Variants in FCRL3 observed in about 807,000 individuals in gnomAD.
The protein encoded by FCRL3 is Fc receptor like 3.
In FCRL3, 89 loss-of-function variants were observed where a neutral mutation model predicts 75.0. The observed-to-expected ratio is 1.19, with a 90% CI of 1.00 to 1.42. FCRL3 has a LOEUF of 1.42. Among genes scored for constraint, FCRL3 ranks in the 40% most tolerant of loss-of-function variants. FCRL3 has a pLI of 0.00. For synonymous variants in FCRL3, 376 were observed against 348.5 expected (o/e 1.08, Z -0.88); for missense variants, 946 against 880.0 (o/e 1.07, Z -0.95).
intron 8 of FCRL3, among the ~76,000 whole-genome samples, chr1:157,692,562 GT>G (rs1371022960): frequency 2.0e-5 from 3 of 152,156 alleles, no homozygotes; most frequent in Non-Finnish European, 4.4e-5. Flanking sequence ...ACAATGCTTT[GT>G]AATGAGATTG....
intron 10 of FCRL3, among the ~76,000 whole-genome samples, chr1:157,683,538 G>A (rs187156318): frequency 8.5e-4 from 130 of 152,258 alleles, no homozygotes; most frequent in Admixed American, 5.4e-3. Flanking sequence ...ACCTGGGTCA[G>A]GTGCTCCCCT....
chr1:157,691,267 G>C (rs916239943), intron 8 of FCRL3, among the ~76,000 whole-genome samples: 2 of 152,196 alleles, frequency 1.3e-5, no homozygotes, highest in Admixed American at 6.5e-5. Flanking sequence ...ATGGCATAGT[G>C]GGAAGAATAG....
intron 9 of FCRL3, 136 bp from the exon 10 acceptor site, chr1:157,690,053 A>G: frequency 1.5e-6 from 2 of 1,371,888 alleles, no homozygotes; most frequent in Non-Finnish European, 2.0e-6. Flanking sequence ...ACTATGGCAT[A>G]TGAAAGGTAT....
chr1:157,688,104 C>T (rs1655289260), intron 10 of FCRL3, among the ~76,000 whole-genome samples: 6 of 151,906 alleles, frequency 3.9e-5, no homozygotes, highest in Admixed American at 3.9e-4. Flanking sequence ...TCAATAATTA[C>T]ACTAGTGCAA....
At chr1:157,680,811 C>A in intron 12 of FCRL3, 41 bp from the exon 13 acceptor site, 2 of 1,570,280 alleles carry the variant, frequency 1.3e-6, no homozygotes, top group South Asian at 2.2e-5. Context: ...GTCAAGAGCT[C>A]ATATTCTAGA....
intron 11 of FCRL3, among the ~76,000 whole-genome samples, chr1:157,681,302 T>C (rs972585524): frequency 2.6e-5 from 4 of 151,782 alleles, no homozygotes; most frequent in Admixed American, 2.6e-4. Flanking sequence ...GCAGGTTTGT[T>C]ACATATGTAT....
intron 10 of FCRL3, among the ~76,000 whole-genome samples, chr1:157,685,679 C>T (rs1349421518): frequency 1.3e-5 from 2 of 152,072 alleles, no homozygotes; most frequent in East Asian, 1.9e-4. Context: ...GGAACATATC[C>T]TAGGATCAGC....
rs748144692 is a variant in FCRL3, at chr1:157,699,686, A to G, written c.52+6T>C. 6.2e-7 allele frequency: 1 copy of G among 1,607,296 alleles called. No homozygotes were observed. Among genetic ancestry groups the G allele is most frequent in the Admixed American group, 1.7e-5 (1 of 59,874 alleles). On this transcript the variant is annotated splice_donor_region_variant and intron_variant, in intron 3 of 14. Coordinates refer to ENST00000368184, the MANE Select transcript of FCRL3 (RefSeq NM_052939.4). ...ACCAGAGGGGCAGAGAGAAGGAGAAACTTACCTGATTGTTCTCTTCCAGGA... is the reference window on the plus strand; with the variant it reads ...ACCAGAGGGGCAGAGAGAAGGAGAAGCTTACCTGATTGTTCTCTTCCAGGA...
At position 157,698,442 on chromosome 1, in the gene FCRL3, G is replaced by A. The variant is rs202180051; in HGVS notation, c.240C>T (p.Tyr80=). ...DKIQITEPGN[Y]QCKTRGSSLS... ...GGGAGGATCCTCGGGTCTTACATTG[G>A]TAATTTCCAGGCTCTGTAATTTGGA... Residue 80 remains tyrosine, a synonymous_variant, in exon 4 of 15, where the codon TAC becomes TAT. Transcript: ENST00000368184. 104 of 1,613,942 alleles carry A rather than the reference G, an allele frequency of 6.4e-5. No homozygotes were observed. Among genetic ancestry groups the A allele is most frequent in the Non-Finnish European group, 8.6e-5 (102 of 1,179,908 alleles).
chr1:157,689,678 G>A (rs1571203456), intron 10 of FCRL3, 120 bp downstream of exon 10: 2 of 1,326,556 alleles, frequency 1.5e-6, no homozygotes, highest in East Asian at 2.5e-5. Context: ...ACAGTGAGTA[G>A]TGGAACTGAG....
At chr1:157,690,608 A>T (rs1655465171) in intron 8 of FCRL3, 75 bp from the exon 9 acceptor site, 1 of 1,536,570 alleles carries the variant, frequency 6.5e-7, no homozygotes, top group Non-Finnish European at 8.8e-7. Flanking sequence ...AGGAATATGC[A>T]GCATAGTTGA....
At chr1:157,695,901 CT>C in intron 7 of FCRL3, 138 bp downstream of exon 7, 15 of 492,818 alleles carry the variant, frequency 3.0e-5, no homozygotes, top group South Asian at 4.5e-5. Context: ...CTCTCTCTCT[CT>C]CCCCCTCTCT....
upstream of FCRL3, chr1:157,700,851 C>T (rs1656274337): frequency 6.2e-6 from 4 of 647,516 alleles, no homozygotes; most frequent in Admixed American, 4.5e-5. Context: ...TGGGAAACCC[C>T]TTCACTACCT....
Position 157,677,210 on chromosome 1 carries a change from G to T in FCRL3, c.*1500C>A, listed in dbSNP as rs1654516000. On this transcript the variant is annotated 3_prime_UTR_variant, in exon 15 of 15. Transcript: ENST00000368184. ...TTGCTGGTCGTAATGGAGGACAAAA[G>T]TGCCTTCTGGTGAAACTCAGCTTCC... 1.1e-5 allele frequency: 11 copies of T among 1,006,182 alleles called. No homozygotes were observed. Among genetic ancestry groups the T allele is most frequent in the Non-Finnish European group, 9.5e-6 (8 of 841,382 alleles). 62.3% of individuals were successfully genotyped at this position (1,006,182 alleles called of 1,614,324 possible). A position where few individuals can be genotyped will look rare whatever the true frequency, so the allele number is the denominator to read the frequency against.
chr1:157,680,514 A>G (rs1473959862), intron 13 of FCRL3, among the ~76,000 whole-genome samples, 188 bp downstream of exon 13: 1 of 152,228 alleles, frequency 6.6e-6, no homozygotes, highest in East Asian at 1.9e-4. Context: ...TCCTCAAAGA[A>G]TTTATGGGAT....
chr1:157,693,630 A>G (rs1313941451), intron 8 of FCRL3, among the ~76,000 whole-genome samples: 1 of 152,254 alleles, frequency 6.6e-6, no homozygotes, highest in East Asian at 1.9e-4. Flanking sequence ...TAATAATTTT[A>G]GTCAAATATT....
chr1:157,689,951 G>A, intron 9 of FCRL3, 34 bp from the exon 10 acceptor site: 3 of 1,610,992 alleles, frequency 1.9e-6, no homozygotes, highest in Non-Finnish European at 2.5e-6. Flanking sequence ...AGTTTCAGTG[G>A]CACAGGTTTT....
rs1490214671 is a variant in FCRL3 at position 157,690,298 on chromosome 1, G to C, written c.1647C>G (p.Gly549=). ...CCACTTTACTGTGCTGGGCCCCCAG[G>C]CCATTGTCAGCCTCACATGAGTAGT... ...SGNYSCEADN[G]LGAQHSKVVT... is the part of the protein sequence containing the mutation. The change falls in exon 9 of 15, where the codon GGC becomes GGG. Residue 549 remains glycine (G), a synonymous_variant. Coordinates refer to ENST00000368184, the MANE Select transcript of FCRL3 (RefSeq NM_052939.4). 1 of 1,614,246 alleles carries C rather than the reference G, an allele frequency of 6.2e-7. No individual in the cohort carries two copies.
intron 3 of FCRL3, among the ~76,000 whole-genome samples, 188 bp from the exon 4 acceptor site, chr1:157,698,817 T>C (rs1488392361): frequency 6.6e-6 from 1 of 152,190 alleles, no homozygotes; most frequent in Non-Finnish European, 1.5e-5. Context: ...ATCCATTTCC[T>C]GGAGGTGGGC....
Sources: allele counts gnomAD v4.1 joint callset (sites outside exome capture counted in the v4.1 genomes callset), GRCh38; gene constraint gnomAD v4.1.1; transcripts MANE v1.5; gene names NCBI Gene and HGNC (gene_info 2026-07-23, HGNC 2026-07-21).